UNC13C: variants seen among roughly 807,000 people sequenced by gnomAD.
UNC13C encodes protein unc-13 homolog C.
In UNC13C, 174 loss-of-function variants were observed where a neutral mutation model predicts 245.4. That is an observed-to-expected ratio of 0.71 (90% CI 0.63 to 0.80). The LOEUF (loss-of-function observed/expected upper bound fraction) is 0.80, where lower values mean the gene tolerates loss of function less well. UNC13C is among the 30% of genes least tolerant of loss of function. The pLI is 0.00. For missense variants in UNC13C, 2,829 were observed against 2,602.9 expected (o/e 1.09, Z -1.89); for synonymous variants, 992 against 895.1 (o/e 1.11, Z -1.93).
chr15:54,198,788 T>A (rs1379259510), intron 4 of UNC13C, among the ~76,000 whole-genome samples: 6 of 151,996 alleles, frequency 3.9e-5, no homozygotes, highest in African/African-American at 9.7e-5. Context: ...TGTGGTAATA[T>A]GACAAAACAA....
the UNC13C span, among the ~76,000 whole-genome samples, chr15:53,839,281 A>C: frequency 6.6e-6 from 1 of 152,150 alleles, no homozygotes; most frequent in African/African-American, 2.4e-5. Context: ...GTGATTCTTT[A>C]CTTATAACAA....
intron 2 of UNC13C, among the ~76,000 whole-genome samples, chr15:54,057,290 A>C (rs1390210190): frequency 1.3e-5 from 2 of 151,342 alleles, no homozygotes; most frequent in African/African-American, 4.9e-5. Context: ...TGGAAAACAA[A>C]AAAAGGCAGG....
chr15:53,894,975 A>G, the UNC13C span, among the ~76,000 whole-genome samples: 2 of 144,748 alleles, frequency 1.4e-5, no homozygotes, highest in African/African-American at 5.2e-5. Flanking sequence ...ATGTTTATCA[A>G]TATTACATTA....
chr15:54,517,833 C>G (rs145075725), intron 24 of UNC13C, among the ~76,000 whole-genome samples: 66 of 152,248 alleles, frequency 4.3e-4, no homozygotes, highest in Non-Finnish European at 8.8e-4. Flanking sequence ...ACAACAAGGA[C>G]ACTCCTAAAT....
the UNC13C span, among the ~76,000 whole-genome samples, chr15:53,943,478 T>C: frequency 2.0e-5 from 3 of 152,182 alleles, no homozygotes; most frequent in East Asian, 5.8e-4. Flanking sequence ...AAAATAATAA[T>C]TTCTCTTTTA....
Position 54,250,344 on chromosome 15 carries a change from G to C in UNC13C, c.3348G>C (p.Gly1116=), listed in dbSNP as rs751102025. The change falls in exon 8 of 33, where the codon GGG becomes GGC. Residue 1116 remains glycine (G), a synonymous_variant. Coordinates refer to ENST00000260323, the MANE Select transcript of UNC13C (RefSeq NM_001080534.3). ...CCACCTACTGTTATGAGTGTGAAGG[G>C]CTCCTGTGGGGCATTGCAAGGCAAG... ...TTPTYCYECE[G]LLWGIARQGM... is the part of the protein sequence containing the mutation. The C allele has an allele frequency of 4.3e-6, 7 of 1,613,780 alleles. No individual in the cohort carries two copies. In the Admixed American group the frequency reaches 1.0e-4, roughly 23 times the overall value.
At chr15:54,386,130 A>G (rs1358145488) in intron 17 of UNC13C, among the ~76,000 whole-genome samples, 1 of 152,168 alleles carries the variant, frequency 6.6e-6, no homozygotes, top group African/African-American at 2.4e-5. Context: ...AAACTCAACC[A>G]GGTCTTGGCA....
chr15:54,312,090 T>C (rs2037888572), intron 13 of UNC13C, among the ~76,000 whole-genome samples: 1 of 151,854 alleles, frequency 6.6e-6, no homozygotes, highest in Non-Finnish European at 1.5e-5. Context: ...AATGTACATT[T>C]TTTAAATAAC....
chr15:54,270,060 T>G lies in UNC13C; in HGVS notation c.3818+4564T>G, dbSNP rs878916107. Among the ~76,000 whole-genome samples the G allele has an allele frequency of 7.2e-5, 11 of 152,342 alleles. 1 individual carries two copies. Among genetic ancestry groups the G allele is most frequent in the Admixed American group, 7.2e-4 (11 of 15,302 alleles). On this transcript the variant is annotated intron_variant, in intron 10 of 32. Coordinates refer to ENST00000260323, the MANE Select transcript of UNC13C (RefSeq NM_001080534.3). ...AACATTAGTTCTTTCTGTCATCAGT[T>G]TCCTGAATTCTGAGATTTTATTCTT...
At chr15:54,042,330 C>T (rs560802465) in intron 2 of UNC13C, among the ~76,000 whole-genome samples, 8 of 152,106 alleles carry the variant, frequency 5.3e-5, no homozygotes, top group Non-Finnish European at 8.8e-5. Context: ...AATGTGAGTC[C>T]GTAGGGATAA....
intron 2 of UNC13C, among the ~76,000 whole-genome samples, chr15:54,126,886 G>A (rs55919508): frequency 0.19 from 29,568 of 152,124 alleles, 3,073 homozygotes; most frequent in South Asian, 0.28. Flanking sequence ...CCATCAAAGA[G>A]TGGGTGAAGG....
intron 4 of UNC13C, among the ~76,000 whole-genome samples, chr15:54,144,171 T>C (rs1189551098): frequency 6.6e-6 from 1 of 152,174 alleles, no homozygotes; most frequent in Non-Finnish European, 1.5e-5. Flanking sequence ...ACAAAAATAA[T>C]GTATGAAATT....
chr15:54,408,765 A>G (rs1195196625), intron 18 of UNC13C, among the ~76,000 whole-genome samples: 2 of 152,226 alleles, frequency 1.3e-5, no homozygotes, highest in African/African-American at 4.8e-5. Context: ...ATAAACATAG[A>G]AATTCATTTA....
chr15:54,605,449 C>A (rs907759433), intron 30 of UNC13C, among the ~76,000 whole-genome samples: 1 of 152,164 alleles, frequency 6.6e-6, no homozygotes, highest in African/African-American at 2.4e-5. Flanking sequence ...CAAAAATACT[C>A]TTTTGTCTTG....
chr15:54,607,218 G>C (rs1168908213), intron 30 of UNC13C, among the ~76,000 whole-genome samples: 1 of 152,198 alleles, frequency 6.6e-6, no homozygotes, highest in African/African-American at 2.4e-5. Flanking sequence ...TTGAAGAGTA[G>C]AATGAATTTT....
At chr15:54,401,520 G>A (rs1035377364) in intron 18 of UNC13C, among the ~76,000 whole-genome samples, 2 of 152,142 alleles carry the variant, frequency 1.3e-5, no homozygotes, top group Admixed American at 6.5e-5. Flanking sequence ...CTGACAGGGA[G>A]AATAGACACT....
intron 7 of UNC13C, among the ~76,000 whole-genome samples, chr15:54,244,330 T>C (rs1429054152): frequency 6.6e-6 from 1 of 152,228 alleles, no homozygotes; most frequent in Non-Finnish European, 1.5e-5. Flanking sequence ...CATTAGTCTA[T>C]GTGTCTGTTC....
the UNC13C span, among the ~76,000 whole-genome samples, chr15:53,859,605 A>G: frequency 6.6e-6 from 1 of 150,656 alleles, no homozygotes; most frequent in Non-Finnish European, 1.5e-5. Context: ...CTTTGATAAG[A>G]ATGATTTATA....
chr15:54,398,567 TC>T (rs2140925671), intron 18 of UNC13C, among the ~76,000 whole-genome samples: 2 of 151,486 alleles, frequency 1.3e-5, no homozygotes, highest in South Asian at 4.1e-4. Flanking sequence ...ACTGGAAAAA[TC>T]ATCCGGGCTT....
Sources: allele counts gnomAD v4.1 joint callset (sites outside exome capture counted in the v4.1 genomes callset), GRCh38; gene constraint gnomAD v4.1.1; transcripts MANE v1.5; gene names NCBI Gene and HGNC (gene_info 2026-07-23, HGNC 2026-07-21).